The following CHST9 variants were observed in gnomAD, a reference collection of about 807,000 sequenced individuals.
CHST9 encodes the protein GalNAc-4-sulfotransferase 2.
Under a neutral mutation model 44.4 loss-of-function variants are expected in CHST9, and 41 were observed. That is an observed-to-expected ratio of 0.92 (90% confidence interval 0.72 to 1.20). The LOEUF (loss-of-function observed/expected upper bound fraction) is 1.20. Ranked by LOEUF, CHST9 falls within the 50% of genes most tolerant of loss-of-function variation. The probability of loss-of-function intolerance (pLI) is 0.00; values close to 1 mark genes in which losing one functional copy is unlikely to be tolerated. For missense variants in CHST9, 504 were observed against 516.5 expected (o/e 0.98, Z 0.23); for synonymous variants, 171 against 178.4 (o/e 0.96, Z 0.33).
At chr18:27,160,983 T>G (rs2058741871) in intron 1 of CHST9, among the ~76,000 whole-genome samples, 1 of 152,208 alleles carries the variant, frequency 6.6e-6, no homozygotes. Context: ...TTATTGCGTC[T>G]ATTGGATTCT....
intron 2 of CHST9, among the ~76,000 whole-genome samples, chr18:27,106,994 G>A (rs776599076): frequency 2.6e-5 from 4 of 152,140 alleles, no homozygotes; most frequent in African/African-American, 4.8e-5. Context: ...ATCTGTGACC[G>A]ACATAGCTTA....
chr18:27,078,440 C>T (rs751137822), intron 2 of CHST9, among the ~76,000 whole-genome samples: 2 of 151,988 alleles, frequency 1.3e-5, no homozygotes, highest in African/African-American at 2.4e-5. Flanking sequence ...TGAACCATTG[C>T]GCTTAGGGGA....
At chr18:26,998,636 G>A (rs2056912949) in intron 4 of CHST9, among the ~76,000 whole-genome samples, 1 of 150,752 alleles carries the variant, frequency 6.6e-6, no homozygotes, top group Admixed American at 6.7e-5. Context: ...TGAGGCAGGA[G>A]AATCACTTGA....
intron 4 of CHST9, among the ~76,000 whole-genome samples, chr18:27,017,421 C>T (rs942867783): frequency 6.6e-6 from 1 of 152,140 alleles, no homozygotes; most frequent in Non-Finnish European, 1.5e-5. Context: ...GAATATCACA[C>T]ATCAATAAAA....
At chr18:27,031,190 G>A (rs2057337074) in intron 3 of CHST9, among the ~76,000 whole-genome samples, 1 of 151,980 alleles carries the variant, frequency 6.6e-6, no homozygotes, top group Non-Finnish European at 1.5e-5. Context: ...TCTTCGCTTT[G>A]ACCTCTCCTG....
chr18:27,039,740 C>T (rs564576101), intron 3 of CHST9, among the ~76,000 whole-genome samples: 16 of 152,018 alleles, frequency 1.1e-4, no homozygotes, highest in Non-Finnish European at 2.1e-4. Context: ...CCTATTGCTG[C>T]AGAAAGATAT....
chr18:27,121,726 C>G (rs933551158), intron 2 of CHST9, among the ~76,000 whole-genome samples: 8 of 152,140 alleles, frequency 5.3e-5, no homozygotes, highest in African/African-American at 1.2e-4. Flanking sequence ...AGAGAAGAAG[C>G]CATGGATGGA....
intron 2 of CHST9, among the ~76,000 whole-genome samples, chr18:27,052,394 T>A (rs1357470279): frequency 6.6e-6 from 1 of 151,970 alleles, no homozygotes; most frequent in Non-Finnish European, 1.5e-5. Context: ...AAAATAAAAA[T>A]TACATGGTAG....
At chr18:27,002,070 G>A (rs61089873) in intron 4 of CHST9, among the ~76,000 whole-genome samples, 16,134 of 151,860 alleles carry the variant, frequency 0.11, 1,771 homozygotes, top group African/African-American at 0.28. Flanking sequence ...CACATCCTTT[G>A]GGTGGATGAA....
chr18:27,153,440 G>A (rs528289598), intron 1 of CHST9, among the ~76,000 whole-genome samples: 3 of 151,976 alleles, frequency 2.0e-5, no homozygotes, highest in African/African-American at 4.8e-5. Flanking sequence ...ATGTGGTTGC[G>A]TAGATCTAGT....
At chr18:27,158,883 T>G (rs1256559709) in intron 1 of CHST9, among the ~76,000 whole-genome samples, 1 of 152,258 alleles carries the variant, frequency 6.6e-6, no homozygotes, top group Non-Finnish European at 1.5e-5. Context: ...TCATGTGTCT[T>G]TTGGCTGCAT....
chr18:27,181,150 T>C (rs1334306382), intron 1 of CHST9, among the ~76,000 whole-genome samples: 1 of 152,226 alleles, frequency 6.6e-6, no homozygotes, highest in Non-Finnish European at 1.5e-5. Context: ...TCCCATCATA[T>C]ATTTTTGGCA....
intron 2 of CHST9, among the ~76,000 whole-genome samples, chr18:27,096,176 T>C (rs2058115158): frequency 6.6e-6 from 1 of 152,116 alleles, no homozygotes; most frequent in African/African-American, 2.4e-5. Context: ...AACTTGCTCT[T>C]GAATGACTTT....
intron 2 of CHST9, among the ~76,000 whole-genome samples, chr18:27,095,117 T>C (rs531637177): frequency 6.6e-6 from 1 of 152,136 alleles, no homozygotes; most frequent in Non-Finnish European, 1.5e-5. Context: ...CCAGGACGTA[T>C]AAAATGTGCA....
chr18:27,087,256 T>C (rs1046920113), intron 2 of CHST9, among the ~76,000 whole-genome samples: 2 of 152,142 alleles, frequency 1.3e-5, no homozygotes, highest in African/African-American at 4.8e-5. Flanking sequence ...ATGAAGATAG[T>C]AGGAAAAGAA....
intron 4 of CHST9, among the ~76,000 whole-genome samples, chr18:26,955,808 T>C (rs35269358): frequency 0.16 from 23,856 of 152,084 alleles, 2,052 homozygotes; most frequent in East Asian, 0.24. Flanking sequence ...GCTCAGCTGC[T>C]GGGGGCCTGA....
chr18:27,108,222 G>A (rs2058239074), intron 2 of CHST9, among the ~76,000 whole-genome samples: 1 of 152,042 alleles, frequency 6.6e-6, no homozygotes, highest in South Asian at 2.1e-4. Flanking sequence ...CCTCACAGCT[G>A]TGGCTGGATC....
At chr18:26,963,185 A>G (rs2056422030) in intron 4 of CHST9, among the ~76,000 whole-genome samples, 1 of 152,008 alleles carries the variant, frequency 6.6e-6, no homozygotes, top group Non-Finnish European at 1.5e-5. Context: ...CTGCCTCTCA[A>G]CATAGAGTTC....
intron 1 of CHST9, among the ~76,000 whole-genome samples, chr18:27,176,966 G>A (rs2058873646): frequency 6.6e-6 from 1 of 151,992 alleles, no homozygotes; most frequent in Admixed American, 6.6e-5. Flanking sequence ...GCAAGAGGAG[G>A]ATTAGTATTT....
Sources: gnomAD v4.1 joint callset for allele counts (sites outside exome capture counted in the v4.1 genomes callset) on GRCh38, gnomAD v4.1.1 for gene constraint, MANE v1.5 for transcripts, NCBI Gene and HGNC (gene_info 2026-07-23, HGNC 2026-07-21) for gene names.